Variants in DPY19L2 observed in about 807,000 individuals in gnomAD.
DPY19L2 encodes dpy-19 like 2.
A neutral mutation model predicts 97.9 loss-of-function variants in DPY19L2; 34 were observed. That is an observed-to-expected ratio of 0.35 (90% confidence interval 0.26 to 0.46). DPY19L2 has a LOEUF of 0.46. Ranked by LOEUF, DPY19L2 falls within the 20% of genes least tolerant of loss-of-function variation. The pLI is 1.00. For synonymous variants in DPY19L2, 230 were observed against 307.9 expected, an observed-to-expected ratio of 0.75 and a Z score of 2.65; for missense variants, 623 against 911.4, an observed-to-expected ratio of 0.68 and a Z score of 4.07.
At chr12:63,632,377 C>T (rs1416064774) in intron 6 of DPY19L2, among the ~76,000 whole-genome samples, 1 of 152,114 alleles carries the variant, frequency 6.6e-6, no homozygotes, top group Non-Finnish European at 1.5e-5. Flanking sequence ...TCTCAGGATA[C>T]AAAATCAATG....
chr12:63,569,312 T>G lies in DPY19L2; in HGVS notation c.2038A>C (p.Lys680Gln), dbSNP rs587777205. ...TTATCTCTTACTTCTTTGGCAGATT[T>G]TCGACTATATGTAGAATAAACTATT... ...TKIVYSTYSR[K>Q]SAKEVRDKLL... Residue 680 changes from lysine to glutamine, a missense_variant, in exon 21 of 22, where the codon AAA becomes CAA. Transcript: ENST00000324472. 53 of 1,598,542 alleles carry G rather than the reference T, an allele frequency of 3.3e-5. No individual in the cohort carries two copies. In the Admixed American group the frequency reaches 8.7e-4, roughly 26 times the overall value.
chr12:63,657,653 C>A (rs1051627371), intron 4 of DPY19L2, among the ~76,000 whole-genome samples: 2 of 152,008 alleles, frequency 1.3e-5, no homozygotes, highest in African/African-American at 4.8e-5. Context: ...CCCTGCAGAT[C>A]ATGGCTTTCT....
At chr12:63,590,262 C>T (rs1182890928) in intron 16 of DPY19L2, among the ~76,000 whole-genome samples, 2 of 152,090 alleles carry the variant, frequency 1.3e-5, no homozygotes, top group African/African-American at 4.8e-5. Flanking sequence ...ATTGTTTTTA[C>T]CTATCAGAAA....
At chr12:63,567,645 CT>C (rs1278167516) in intron 21 of DPY19L2, among the ~76,000 whole-genome samples, 1 of 152,046 alleles carries the variant, frequency 6.6e-6, no homozygotes, top group East Asian at 1.9e-4. Context: ...GAGTTACCAT[CT>C]GGCATCATTT....
At chr12:63,610,171 T>A (rs553934594) in intron 11 of DPY19L2, among the ~76,000 whole-genome samples, 1 of 151,698 alleles carries the variant, frequency 6.6e-6, no homozygotes, top group South Asian at 2.1e-4. Context: ...TAGTTATTAG[T>A]ACTTTAAAAA....
In DPY19L2 at chr12:63,598,359, C is replaced by G. The variant is rs545375900; in HGVS notation, c.1360-449G>C. Among the ~76,000 whole-genome samples the G allele has an allele frequency of 1.3e-3, 197 of 152,242 alleles. 1 individual carries two copies. The highest frequency in any genetic ancestry group is 4.4e-3 in the African/African-American group (182 of 41,550). On this transcript the variant is annotated intron_variant, in intron 13 of 21. Transcript: ENST00000324472. The stretch of plus-strand genomic sequence containing the variant: ...AGACTGATTACAATATTTGGTACTT[C>G]TTGATATTTTATAGACATATATTCA...
In DPY19L2 at chr12:63,614,346, T is replaced by C. The variant is rs138304159; in HGVS notation, c.1218+2958A>G. Among the ~76,000 whole-genome samples, 461 of 151,962 alleles carry C rather than the reference T, an allele frequency of 3.0e-3. 4 individuals are homozygous for C. Among genetic ancestry groups the C allele is most frequent in the Non-Finnish European group, 5.6e-3 (378 of 67,932 alleles). ...ATTCTCTTGTAGAACAAGACTAAAA[T>C]AACCAAGATAACTGGGAGATAACGA... is the stretch of plus-strand genomic sequence containing the variant. On this transcript the variant is annotated intron_variant, in intron 11 of 21. Transcript: ENST00000324472.
intron 19 of DPY19L2, among the ~76,000 whole-genome samples, chr12:63,577,133 C>T (rs933728764): frequency 4.6e-5 from 7 of 151,914 alleles, no homozygotes; most frequent in African/African-American, 1.7e-4. Context: ...GAAATCCATA[C>T]ATCTACAGTA....
chr12:63,574,107 TACA>T (rs1160568696), intron 19 of DPY19L2, among the ~76,000 whole-genome samples: 2 of 151,760 alleles, frequency 1.3e-5, no homozygotes, highest in African/African-American at 4.8e-5. Context: ...AAAAAATAAA[TACA>T]ACAACTTTTC....
intron 15 of DPY19L2, 138 bp from the exon 16 acceptor site, chr12:63,594,271 G>T: frequency 1.7e-6 from 1 of 605,974 alleles, no homozygotes; most frequent in Non-Finnish European, 2.8e-6. Context: ...GAACAGGACG[G>T]TCATACTATA....
At chr12:63,560,876 G>T (rs576389017) in intron 21 of DPY19L2, among the ~76,000 whole-genome samples, 5 of 152,132 alleles carry the variant, frequency 3.3e-5, no homozygotes, top group Non-Finnish European at 5.9e-5. Context: ...CCAAGGGAAA[G>T]ACATATCCTA....
At chr12:63,593,691 A>G (rs1250996480) in intron 16 of DPY19L2, among the ~76,000 whole-genome samples, 1 of 152,106 alleles carries the variant, frequency 6.6e-6, no homozygotes, top group Admixed American at 6.5e-5. Context: ...CCTAATGCTA[A>G]ATGACAAGTT....
intron 11 of DPY19L2, among the ~76,000 whole-genome samples, chr12:63,611,118 T>C (rs1022711411): frequency 1.8e-4 from 28 of 151,536 alleles, no homozygotes; most frequent in African/African-American, 6.5e-4. Context: ...TGTAGAAAAA[T>C]TGGAATGCTT....
intron 20 of DPY19L2, among the ~76,000 whole-genome samples, chr12:63,570,048 C>T (rs1878509437): frequency 3.9e-5 from 6 of 152,116 alleles, no homozygotes; most frequent in Admixed American, 3.9e-4. Context: ...GTGTCTGACT[C>T]CAAGCCCTGG....
chr12:63,582,095 C>T (rs1592429816), intron 18 of DPY19L2, among the ~76,000 whole-genome samples: 1 of 152,014 alleles, frequency 6.6e-6, no homozygotes, highest in East Asian at 1.9e-4. Flanking sequence ...GCCACTGTGC[C>T]AGGCACTCTT....
rs186666244 is a variant in DPY19L2 at position 63,638,164 on chromosome 12, C to T, written c.803+6239G>A. ...CCTTCGACAAAATTCCATAGTCCTT[C>T]ATGCTAAAAACTCTCAATAAACTAG... On this transcript the variant is annotated intron_variant, in intron 6 of 21. Transcript: ENST00000324472. Among the ~76,000 whole-genome samples, 34 of 152,262 alleles carry T rather than the reference C, an allele frequency of 2.2e-4. No homozygotes were observed. In the East Asian group the frequency reaches 6.6e-3, roughly 29 times the overall value.
chr12:63,633,200 C>T (rs959308893), intron 6 of DPY19L2, among the ~76,000 whole-genome samples: 6 of 152,042 alleles, frequency 3.9e-5, no homozygotes, highest in South Asian at 2.1e-4. Flanking sequence ...GCAAGAAAAG[C>T]CGAAATTGAC....
At chr12:63,571,870 G>T (rs1878921752) in intron 19 of DPY19L2, among the ~76,000 whole-genome samples, 3 of 152,086 alleles carry the variant, frequency 2.0e-5, no homozygotes, top group African/African-American at 7.2e-5. Flanking sequence ...AAATTGTGAA[G>T]GTTACTATCA....
intron 6 of DPY19L2, among the ~76,000 whole-genome samples, chr12:63,627,640 G>A (rs947401743): frequency 1.6e-4 from 25 of 152,240 alleles, no homozygotes; most frequent in African/African-American, 5.3e-4. Flanking sequence ...GTGAGCCACC[G>A]CACCCGGCCA....
Sources: allele counts gnomAD v4.1 joint callset (sites outside exome capture counted in the v4.1 genomes callset), GRCh38; gene constraint gnomAD v4.1.1; transcripts MANE v1.5; gene names NCBI Gene and HGNC (gene_info 2026-07-23, HGNC 2026-07-21).